The following NLRC4 variants were observed in gnomAD, a reference collection of about 807,000 sequenced individuals.
The protein encoded by NLRC4 is NLR family CARD domain containing 4, also known as NLR family CARD domain-containing protein 4.
In NLRC4, 63 loss-of-function variants were observed where a neutral mutation model predicts 79.9. The ratio of observed to expected loss-of-function variants is 0.79; its 90% CI spans 0.64 to 0.97. The LOEUF (loss-of-function observed/expected upper bound fraction) is 0.97. Among genes scored for constraint, NLRC4 ranks in the 50% least tolerant of loss-of-function variants. The pLI, the probability that NLRC4 is intolerant of heterozygous loss-of-function variation, is 0.00. For synonymous variants in NLRC4, 461 were observed against 456.5 expected (o/e 1.01, Z -0.12); for missense variants, 1,074 against 1,215.2 (o/e 0.88, Z 1.73).
chr2:32,243,058 AAGAGAG>A (rs140068281), intron 4 of NLRC4, among the ~76,000 whole-genome samples: 11 of 149,458 alleles, frequency 7.4e-5, no homozygotes, highest in African/African-American at 2.2e-4. Flanking sequence ...TAATGAAAGA[AAGAGAG>A]AGAGAGAGAG....
intron 8 of NLRC4, among the ~76,000 whole-genome samples, chr2:32,228,455 C>G (rs1199740811): frequency 6.6e-6 from 1 of 152,156 alleles, no homozygotes; most frequent in Non-Finnish European, 1.5e-5. Context: ...GTGTCTCCCT[C>G]TAAAATGTGA....
intron 4 of NLRC4, among the ~76,000 whole-genome samples, chr2:32,248,107 T>C (rs894085909): frequency 4.6e-5 from 7 of 152,066 alleles, no homozygotes; most frequent in African/African-American, 9.7e-5. Flanking sequence ...TATATCGATA[T>C]AACAAAACTG....
Position 32,250,814 on chromosome 2 carries a change from AC to A in NLRC4, c.1049del (p.Gly350ValfsTer21). On this transcript the variant is annotated frameshift_variant, in exon 4 of 9. Transcript: ENST00000402280. LOFTEE classifies it high-confidence loss of function. This position sits in a 1 kb window ranked among gnomAD's most constrained non-coding sequence, Gnocchi z 4.9. ...GTGTGTGAGAGTGGAACTCACTTTC[AC>A]CCATCTGGATTGCACAAGTGATGAC... Reference protein sequence around the residue: ...FVVITCAIQMGESEFHSHTQT... With the variant: ...FVVITCAIQMXESEFHSHTQT... 1 of 1,614,082 alleles carries A rather than the reference AC, an allele frequency of 6.2e-7. No individual in the cohort carries two copies. Among genetic ancestry groups the A allele is most frequent in the Non-Finnish European group, 8.5e-7 (1 of 1,179,994 alleles).
chr2:32,259,762 A>G (rs1687294229), intron 1 of NLRC4, among the ~76,000 whole-genome samples: 1 of 152,084 alleles, frequency 6.6e-6, no homozygotes, highest in Non-Finnish European at 1.5e-5. Context: ...CACTCTTCTG[A>G]TTTTTTTAAA....
At position 32,236,343 on chromosome 2, in the gene NLRC4, G is replaced by C. The variant is rs750669618; in HGVS notation, c.2522-4C>G. On this transcript the variant is annotated splice_region_variant and splice_polypyrimidine_tract_variant and intron_variant, in intron 6 of 8. Transcript: ENST00000402280. Reference sequence around the variant, plus strand: ...ACCAAATTGTGAAGATTCTGAGCTGGGGAAAAAAAGTAATCCAAAATAAAA... The same window carrying C: ...ACCAAATTGTGAAGATTCTGAGCTGCGGAAAAAAAGTAATCCAAAATAAAA... 3.2e-6 allele frequency: 5 copies of C among 1,556,170 alleles called. 1 individual carries two copies. The African/African-American group carries it at 5.5e-5, about 17-fold the overall frequency.
chr2:32,241,530 C>T (rs1016165651), intron 4 of NLRC4, among the ~76,000 whole-genome samples: 8 of 151,970 alleles, frequency 5.3e-5, no homozygotes, highest in African/African-American at 1.9e-4. Flanking sequence ...GCACCTGCCA[C>T]CACGCCCGGC....
At chr2:32,241,237 A>T (rs1469300706) in intron 4 of NLRC4, 112 bp from the exon 5 acceptor site, 1 of 691,610 alleles carries the variant, frequency 1.4e-6, no homozygotes, top group Non-Finnish European at 2.5e-6. Flanking sequence ...GATCATCATG[A>T]GCCAAAAATG....
At chr2:32,235,832 C>A (rs2148933890) in intron 7 of NLRC4, among the ~76,000 whole-genome samples, 1 of 152,266 alleles carries the variant, frequency 6.6e-6, no homozygotes, top group Non-Finnish European at 1.5e-5. Flanking sequence ...TTAATCCTGA[C>A]CTAATTCCTC....
At chr2:32,234,232 A>C (rs1297955994) in intron 8 of NLRC4, among the ~76,000 whole-genome samples, 1 of 152,038 alleles carries the variant, frequency 6.6e-6, no homozygotes. Context: ...ATACAAAAAA[A>C]AAAATTAGGC....
intron 1 of NLRC4, among the ~76,000 whole-genome samples, chr2:32,263,940 C>T (rs1300169808): frequency 3.3e-5 from 5 of 152,126 alleles, no homozygotes; most frequent in Non-Finnish European, 7.3e-5. Flanking sequence ...CTCTCAAAGC[C>T]AGGCTGCAAG....
At chr2:32,244,676 A>G (rs1451810192) in intron 4 of NLRC4, among the ~76,000 whole-genome samples, 1 of 150,970 alleles carries the variant, frequency 6.6e-6, no homozygotes, top group Non-Finnish European at 1.5e-5. Context: ...CAAACCCCAC[A>G]AAAAAAACCC....
chr2:32,265,046 G>A (rs1039094952), upstream of NLRC4, among the ~76,000 whole-genome samples: 12 of 152,094 alleles, frequency 7.9e-5, no homozygotes, highest in Non-Finnish European at 1.2e-4. Flanking sequence ...TAGAAATTCC[G>A]TCAAGAAAGG....
At chr2:32,243,617 T>C (rs1686857347) in intron 4 of NLRC4, among the ~76,000 whole-genome samples, 1 of 150,462 alleles carries the variant, frequency 6.6e-6, no homozygotes, top group Non-Finnish European at 1.5e-5. Flanking sequence ...CTGGCCAACA[T>C]GGTGAAACCC....
chr2:32,260,215 A>C (rs1403322531), intron 1 of NLRC4, among the ~76,000 whole-genome samples: 1 of 125,796 alleles, frequency 7.9e-6, no homozygotes, highest in Non-Finnish European at 1.8e-5. Context: ...GGCAACGACA[A>C]AAAAAAAAAA....
chr2:32,238,025 T>G lies in NLRC4; in HGVS notation c.2521+107A>C. 3 of 792,060 alleles carry G rather than the reference T, an allele frequency of 3.8e-6. No homozygotes were observed. In the Admixed American group the frequency reaches 9.1e-5, roughly 24 times the overall value. 49.1% of individuals were successfully genotyped at this position (792,060 alleles called of 1,614,324 possible). On this transcript the variant is annotated intron_variant, in intron 6 of 8. Coordinates refer to ENST00000402280, the MANE Select transcript of NLRC4 (RefSeq NM_001199138.2). ...TATCGAGAAGTTTTTATTTTCCAGTTTTCCTTAAAATTAAATTTCCATTTG... is the reference window on the plus strand; with the variant it reads ...TATCGAGAAGTTTTTATTTTCCAGTGTTCCTTAAAATTAAATTTCCATTTG...
chr2:32,245,310 C>CAAAA lies in NLRC4; in HGVS notation c.2258-4189_2258-4186dup, dbSNP rs58301612. Among the ~76,000 whole-genome samples the CAAAA allele has an allele frequency of 2.0e-3, 158 of 77,944 alleles. 3 individuals carry two copies. Among genetic ancestry groups the CAAAA allele is most frequent in the African/African-American group, 7.6e-3 (145 of 18,988 alleles). 51.1% of individuals were successfully genotyped at this position (77,944 alleles called of 152,430 possible). On this transcript the variant is annotated intron_variant, in intron 4 of 8. Transcript: ENST00000402280. The stretch of plus-strand genomic sequence containing the variant: ...TGGGCGACAGAGTGAGACTCCTTCT[C>CAAAA]AAAAAAAAAAAAAAAAAAAAAAACA...
intron 1 of NLRC4, among the ~76,000 whole-genome samples, chr2:32,263,270 A>C (rs968596327): frequency 1.3e-5 from 2 of 152,192 alleles, no homozygotes; most frequent in African/African-American, 4.8e-5. Context: ...CTTATGAGGT[A>C]AGTATCCCTA....
intron 8 of NLRC4, among the ~76,000 whole-genome samples, chr2:32,227,177 A>C (rs916350125): frequency 3.3e-5 from 5 of 151,730 alleles, no homozygotes; most frequent in African/African-American, 9.7e-5. Context: ...GGAGTAAAAA[A>C]AAAAAGTAGG....
chr2:32,230,347 G>A lies in NLRC4; in HGVS notation c.2782+5054C>T, dbSNP rs76745497. Among the ~76,000 whole-genome samples, 18 of 152,194 alleles carry A rather than the reference G, an allele frequency of 1.2e-4. No homozygotes were observed. The East Asian group carries it at 3.1e-3, about 26-fold the overall frequency. The stretch of plus-strand genomic sequence containing the variant: ...TGTGTTTATTCACTGTTTTTTGTTT[G>A]TTTGTTTGTTTTGTCTCCCAGGCCG... On this transcript the variant is annotated intron_variant, in intron 8 of 8. Coordinates refer to ENST00000402280, the MANE Select transcript of NLRC4 (RefSeq NM_001199138.2).
Sources: gnomAD v4.1 joint callset for allele counts (sites outside exome capture counted in the v4.1 genomes callset) on GRCh38, gnomAD v4.1.1 for gene constraint, Gnocchi (gnomAD v3.1) non-coding constraint, MANE v1.5 for transcripts, NCBI Gene and HGNC (gene_info 2026-07-23, HGNC 2026-07-21) for gene names.